GRM7: variants seen among roughly 807,000 people sequenced by gnomAD.
GRM7 encodes metabotropic glutamate receptor 7.
In GRM7, 35 loss-of-function variants were observed where a neutral mutation model predicts 84.5. The observed-to-expected ratio is 0.41, with a 90% CI of 0.32 to 0.55. GRM7 has a LOEUF of 0.55. Ranked by LOEUF, GRM7 falls within the 20% of genes least tolerant of loss-of-function variation. GRM7 has a pLI of 0.19. For synonymous variants in GRM7, 487 were observed against 455.1 expected, an observed-to-expected ratio of 1.07 and a Z score of -0.89; for missense variants, 1,003 against 1,194.6, an observed-to-expected ratio of 0.84 and a Z score of 2.36.
intron 2 of GRM7, among the ~76,000 whole-genome samples, chr3:7,168,849 G>C (rs1026573508): frequency 3.3e-5 from 5 of 152,050 alleles, no homozygotes; most frequent in African/African-American, 1.2e-4. Flanking sequence ...ATCTTGTCTT[G>C]ATATTCACCA....
chr3:7,345,587 T>C (rs996534486), intron 4 of GRM7, among the ~76,000 whole-genome samples: 1 of 152,162 alleles, frequency 6.6e-6, no homozygotes, highest in East Asian at 1.9e-4. Context: ...CCCAGCCCTC[T>C]TAACAATTAT....
intron 1 of GRM7, among the ~76,000 whole-genome samples, chr3:7,111,634 T>G (rs1324944412): frequency 6.6e-6 from 1 of 152,174 alleles, no homozygotes; most frequent in Admixed American, 6.5e-5. Flanking sequence ...AAACATAGGA[T>G]AATTGGATAG....
intron 7 of GRM7, among the ~76,000 whole-genome samples, chr3:7,506,603 C>T (rs1328075508): frequency 6.6e-6 from 1 of 152,090 alleles, no homozygotes; most frequent in East Asian, 1.9e-4. Context: ...TTTATTTAGC[C>T]CACAGTTCTA....
rs544416570 is a variant in GRM7 at position 7,123,751 on chromosome 3, G to A, written c.520-22701G>A. Among the ~76,000 whole-genome samples the A allele has an allele frequency of 1.4e-3, 218 of 152,242 alleles. 1 individual carries two copies. The highest frequency in any genetic ancestry group is 1.5e-3 in the Non-Finnish European group (100 of 68,014). On this transcript the variant is annotated intron_variant, in intron 1 of 9. Transcript: ENST00000357716. ...TCTGTCATCAGCCTTGGAGGTCAACGCTTCCTGGATTTGCCTATGCTTCTA... is the reference window on the plus strand; with the variant it reads ...TCTGTCATCAGCCTTGGAGGTCAACACTTCCTGGATTTGCCTATGCTTCTA...
intron 8 of GRM7, among the ~76,000 whole-genome samples, chr3:7,602,080 C>CAAAAAA (rs562646639): frequency 7.5e-5 from 7 of 93,798 alleles, no homozygotes; most frequent in East Asian, 3.7e-4. Context: ...ATTACCAGGA[C>CAAAAAA]AAAAAAAAAA....
intron 9 of GRM7, among the ~76,000 whole-genome samples, chr3:7,733,838 C>T (rs1162164179): frequency 6.6e-6 from 1 of 152,078 alleles, no homozygotes; most frequent in South Asian, 2.1e-4. Flanking sequence ...CAAAGTATAC[C>T]TTTATATTGC....
chr3:7,049,321 C>T (rs1417919603), intron 1 of GRM7, among the ~76,000 whole-genome samples: 1 of 151,970 alleles, frequency 6.6e-6, no homozygotes, highest in East Asian at 1.9e-4. Context: ...GCCTCACAAT[C>T]ATGGCAGAAG....
chr3:7,348,574 C>T (rs1194963776), intron 4 of GRM7, among the ~76,000 whole-genome samples: 1 of 152,092 alleles, frequency 6.6e-6, no homozygotes, highest in African/African-American at 2.4e-5. Context: ...AAGTGTACAT[C>T]CATGATCAGC....
intron 1 of GRM7, among the ~76,000 whole-genome samples, chr3:6,930,273 G>A (rs1050858580): frequency 1.3e-5 from 2 of 152,190 alleles, no homozygotes; most frequent in East Asian, 1.9e-4. Context: ...CAGTAAAAGC[G>A]GTAGCTGTTT....
chr3:7,592,804 C>A (rs1695858617), intron 8 of GRM7, among the ~76,000 whole-genome samples: 1 of 152,172 alleles, frequency 6.6e-6, no homozygotes, highest in Non-Finnish European at 1.5e-5. Context: ...AACCGAGAAA[C>A]CTTCACTTTC....
At chr3:7,055,232 T>C (rs1697172353) in intron 1 of GRM7, among the ~76,000 whole-genome samples, 1 of 151,846 alleles carries the variant, frequency 6.6e-6, no homozygotes, top group Non-Finnish European at 1.5e-5. Context: ...TTATTTATTT[T>C]AAAGTTGGAG....
intron 1 of GRM7, among the ~76,000 whole-genome samples, chr3:7,017,700 C>G (rs1405115922): frequency 6.6e-6 from 1 of 152,140 alleles, no homozygotes; most frequent in East Asian, 1.9e-4. Context: ...ATCCTGAGTT[C>G]ATGGTACGCA....
intron 2 of GRM7, among the ~76,000 whole-genome samples, chr3:7,163,014 C>T (rs2125080794): frequency 6.6e-6 from 1 of 152,026 alleles, no homozygotes; most frequent in South Asian, 2.1e-4. Context: ...CCCACCTTGG[C>T]CTCTCAAAGT....
chr3:7,346,690 A>G (rs927067187), intron 4 of GRM7, among the ~76,000 whole-genome samples: 12 of 152,178 alleles, frequency 7.9e-5, no homozygotes, highest in Admixed American at 4.6e-4. Context: ...GAACAATTAA[A>G]GCACCCACTG....
At position 7,679,899 on chromosome 3, in the gene GRM7, CAG is replaced by C. The variant is rs1700294488; in HGVS notation, c.2452-147_2452-146del. 21 of 668,246 alleles carry C rather than the reference CAG, an allele frequency of 3.1e-5. No individual in the cohort carries two copies. The South Asian group carries it at 3.8e-4, about 12-fold the overall frequency. 41.4% of individuals were successfully genotyped at this position (668,246 alleles called of 1,614,324 possible). A position where few individuals can be genotyped will look rare whatever the true frequency, so the allele number is the denominator to read the frequency against. ...ATGCATATGCTCTCCAATAACTGTG[CAG>C]AGTTATTGTGCTTTCCTTTATTTAT... On this transcript the variant is annotated intron_variant, in intron 8 of 9. Coordinates refer to ENST00000357716, the MANE Select transcript of GRM7 (RefSeq NM_000844.4).
At chr3:7,189,803 T>C (rs1179378398) in intron 2 of GRM7, among the ~76,000 whole-genome samples, 12 of 152,156 alleles carry the variant, frequency 7.9e-5, no homozygotes, top group Admixed American at 7.9e-4. Flanking sequence ...CAAATCATCT[T>C]GCAAACATAA....
intron 1 of GRM7, among the ~76,000 whole-genome samples, chr3:7,112,288 G>C (rs1486264812): frequency 6.6e-6 from 1 of 151,058 alleles, no homozygotes; most frequent in Non-Finnish European, 1.5e-5. Flanking sequence ...GCAGTGGCAC[G>C]ATCTCAGCTC....
intron 1 of GRM7, among the ~76,000 whole-genome samples, chr3:7,041,475 T>G (rs1186790684): frequency 6.6e-6 from 1 of 152,238 alleles, no homozygotes; most frequent in Non-Finnish European, 1.5e-5. Flanking sequence ...TTCTTTTTAT[T>G]AATAGTATTC....
intron 7 of GRM7, among the ~76,000 whole-genome samples, chr3:7,546,251 T>G (rs567211485): frequency 3.9e-5 from 6 of 152,194 alleles, no homozygotes; most frequent in Non-Finnish European, 8.8e-5. Context: ...AGAGTCACCA[T>G]CTGCATTCTA....
Sources: allele counts gnomAD v4.1 joint callset (sites outside exome capture counted in the v4.1 genomes callset), GRCh38; gene constraint gnomAD v4.1.1; transcripts MANE v1.5; gene names NCBI Gene and HGNC (gene_info 2026-07-23, HGNC 2026-07-21).